Variants in PLEKHM3 observed in about 807,000 individuals in gnomAD.
The protein encoded by PLEKHM3 is pleckstrin homology domain containing M3.
Under a neutral mutation model 81.8 loss-of-function variants are expected in PLEKHM3, and 45 were observed. That is an observed-to-expected ratio of 0.55 (90% CI 0.43 to 0.71). PLEKHM3 has a LOEUF of 0.71. Ranked by LOEUF, PLEKHM3 falls within the 30% of genes least tolerant of loss-of-function variation. PLEKHM3 has a pLI of 0.00. For synonymous variants in PLEKHM3, 352 were observed against 356.4 expected, an observed-to-expected ratio of 0.99 and a Z score of 0.14; for missense variants, 788 against 924.3, an observed-to-expected ratio of 0.85 and a Z score of 1.91.
intron 6 of PLEKHM3, among the ~76,000 whole-genome samples, chr2:207,877,627 G>A (rs972167125): frequency 6.6e-6 from 1 of 152,142 alleles, no homozygotes; most frequent in Non-Finnish European, 1.5e-5. Flanking sequence ...TGAGAGAAGA[G>A]GTTTTGTTGG....
At chr2:207,863,907 C>CA (rs200964000) in intron 6 of PLEKHM3, among the ~76,000 whole-genome samples, 3 of 129,360 alleles carry the variant, frequency 2.3e-5, no homozygotes, top group African/African-American at 5.3e-5. Flanking sequence ...GTCAGAAAAG[C>CA]AAAAAAAATA....
At chr2:207,947,381 G>A (rs1229278524) in intron 3 of PLEKHM3, among the ~76,000 whole-genome samples, 1 of 152,178 alleles carries the variant, frequency 6.6e-6, no homozygotes, top group Non-Finnish European at 1.5e-5. Flanking sequence ...GCGCTGTCTT[G>A]GTACTGTCAG....
intron 1 of PLEKHM3, among the ~76,000 whole-genome samples, chr2:208,018,073 C>A (rs1046326515): frequency 1.3e-5 from 2 of 152,050 alleles, no homozygotes; most frequent in African/African-American, 2.4e-5. Context: ...ACGTGGCAGA[C>A]AAGAAACATA....
chr2:207,959,138 G>GT (rs747737000), intron 3 of PLEKHM3, among the ~76,000 whole-genome samples: 1 of 152,032 alleles, frequency 6.6e-6, no homozygotes, highest in African/African-American at 2.4e-5. Context: ...ATTACAAAGG[G>GT]TTTTTCAGCA....
intron 2 of PLEKHM3, among the ~76,000 whole-genome samples, chr2:207,977,920 C>T (rs886201632): frequency 3.9e-5 from 6 of 152,138 alleles, no homozygotes; most frequent in African/African-American, 1.4e-4. Flanking sequence ...GAGCCCGTCT[C>T]TATAAAAAAT....
In PLEKHM3 at chr2:207,865,801, A is replaced by AAAAAATATATATATAT; in HGVS notation, c.1951-4540_1951-4539insATATATATATATTTTT. Among the ~76,000 whole-genome samples the AAAAAATATATATATAT allele has an allele frequency of 4.3e-4, 11 of 25,288 alleles. 3 individuals are homozygous for AAAAAATATATATATAT. Among genetic ancestry groups the AAAAAATATATATATAT allele is most frequent in the African/African-American group, 2.1e-3 (10 of 4,792 alleles). The allele number at this position is 25,288 out of a possible 152,430, so 16.6% of individuals were successfully genotyped here. On this transcript the variant is annotated intron_variant, in intron 6 of 7. Coordinates refer to ENST00000427836, the MANE Select transcript of PLEKHM3 (RefSeq NM_001080475.3). ...CGACTCAAAAAAAAAAAAAAAAAAA[A>AAAAAATATATATATAT]AGATATATATATATATATATATATA...
chr2:207,902,810 AC>A (rs1688476058), intron 6 of PLEKHM3, among the ~76,000 whole-genome samples: 1 of 138,790 alleles, frequency 7.2e-6, no homozygotes, highest in South Asian at 2.3e-4. Context: ...ACACCCTGTC[AC>A]CCATCCACCC....
At chr2:207,848,365 G>T (rs1203106194) in intron 7 of PLEKHM3, among the ~76,000 whole-genome samples, 1 of 152,136 alleles carries the variant, frequency 6.6e-6, no homozygotes, top group Non-Finnish European at 1.5e-5. Context: ...GGGCTTGATG[G>T]TTTTTTTGGC....
chr2:208,017,552 C>T (rs1559285931), intron 1 of PLEKHM3, among the ~76,000 whole-genome samples: 1 of 152,158 alleles, frequency 6.6e-6, no homozygotes, highest in Non-Finnish European at 1.5e-5. Flanking sequence ...AATATCTCTT[C>T]TCAAAAAAGT....
chr2:207,927,131 C>T lies in PLEKHM3; in HGVS notation c.1886+3795G>A, dbSNP rs865980921. Among the ~76,000 whole-genome samples the T allele has an allele frequency of 2.6e-5, 4 of 152,160 alleles. No individual in the cohort carries two copies. The South Asian group carries it at 6.2e-4, about 24-fold the overall frequency. On this transcript the variant is annotated intron_variant, in intron 5 of 7. Coordinates refer to ENST00000427836, the MANE Select transcript of PLEKHM3 (RefSeq NM_001080475.3). ...TTTTTTGTTCCCCATCAACTCCTCC[C>T]TCTTTCAGTTTCTATCAGGGATATA...
At position 208,015,991 on chromosome 2, in the gene PLEKHM3, C is replaced by A. The variant is rs188756603; in HGVS notation, c.-319+9398G>T. ...GGTGGATCACCTGAGGTGAGGAGTT[C>A]GAGACCAGCCTGGCCAAAATGGAGA... On this transcript the variant is annotated intron_variant, in intron 1 of 7. Coordinates refer to ENST00000427836, the MANE Select transcript of PLEKHM3 (RefSeq NM_001080475.3). Among the ~76,000 whole-genome samples the A allele has an allele frequency of 4.6e-3, 698 of 151,998 alleles. 6 individuals are homozygous for A. The highest frequency in any genetic ancestry group is 0.016 in the African/African-American group (666 of 41,450).
chr2:208,012,776 A>T (rs921872365), intron 1 of PLEKHM3, among the ~76,000 whole-genome samples: 1 of 152,230 alleles, frequency 6.6e-6, no homozygotes, highest in Non-Finnish European at 1.5e-5. Context: ...GCTCCCATCT[A>T]CCTGAGAAAG....
chr2:207,966,685 T>C (rs952244545), intron 3 of PLEKHM3, among the ~76,000 whole-genome samples: 2 of 152,170 alleles, frequency 1.3e-5, no homozygotes, highest in African/African-American at 4.8e-5. Flanking sequence ...CCCGAGTAGC[T>C]GGGACTACAG....
intron 5 of PLEKHM3, among the ~76,000 whole-genome samples, chr2:207,923,876 C>CAT (rs1689277273): frequency 4.8e-5 from 2 of 41,774 alleles, no homozygotes; most frequent in African/African-American, 1.9e-4. Flanking sequence ...CACACACACA[C>CAT]ACACATATAT....
intron 3 of PLEKHM3, among the ~76,000 whole-genome samples, chr2:207,967,916 T>A (rs1559261438): frequency 6.6e-6 from 1 of 152,160 alleles, no homozygotes; most frequent in African/African-American, 2.4e-5. Flanking sequence ...GGCTCCAGAA[T>A]CCTTGCTCTT....
At chr2:207,994,552 AGG>A (rs1378700173) in intron 2 of PLEKHM3, among the ~76,000 whole-genome samples, 4 of 151,698 alleles carry the variant, frequency 2.6e-5, no homozygotes, top group African/African-American at 7.3e-5. Flanking sequence ...TTCTGGTAGT[AGG>A]ATCAGGGCCC....
chr2:208,003,196 G>A (rs1692372258), intron 1 of PLEKHM3, among the ~76,000 whole-genome samples: 1 of 152,178 alleles, frequency 6.6e-6, no homozygotes, highest in Non-Finnish European at 1.5e-5. Context: ...TTCTTCTCTT[G>A]TCTGCTGCCA....
rs1491285509 is a variant in PLEKHM3 at position 207,858,134 on chromosome 2, A to ATG, written c.2108+2970_2108+2971insCA. 1.8e-4 allele frequency among the ~76,000 whole-genome samples: 22 copies of ATG among 120,486 alleles called. 1 individual carries two copies. Among genetic ancestry groups the ATG allele is most frequent in the African/African-American group, 6.5e-4 (20 of 30,786 alleles). 79.0% of individuals were successfully genotyped at this position (120,486 alleles called of 152,430 possible). On this transcript the variant is annotated intron_variant, in intron 7 of 7. Coordinates refer to ENST00000427836, the MANE Select transcript of PLEKHM3 (RefSeq NM_001080475.3). Reference sequence around the variant, plus strand: ...CCAAATATTTTGGGGTTTCATATAGATATGTGTGTGTGTGTGTGTGTGTGT... The same window carrying ATG: ...CCAAATATTTTGGGGTTTCATATAGATGTATGTGTGTGTGTGTGTGTGTGTGT...
rs114103205 is a variant in PLEKHM3 at position 207,964,258 on chromosome 2, A to C, written c.1546+12393T>G. Among the ~76,000 whole-genome samples the C allele has an allele frequency of 7.2e-3, 1,094 of 152,284 alleles. 17 individuals are homozygous for C. Among genetic ancestry groups the C allele is most frequent in the African/African-American group, 0.025 (1,034 of 41,558 alleles). ...TATGGGCTAAACCATTGTTTCTCAA[A>C]CTTCGTATGCACTCAAATCAATAGG... On this transcript the variant is annotated intron_variant, in intron 3 of 7. Coordinates refer to ENST00000427836, the MANE Select transcript of PLEKHM3 (RefSeq NM_001080475.3).
Sources: allele counts gnomAD v4.1 joint callset (sites outside exome capture counted in the v4.1 genomes callset), GRCh38; gene constraint gnomAD v4.1.1; transcripts MANE v1.5; gene names NCBI Gene and HGNC (gene_info 2026-07-23, HGNC 2026-07-21).